PTPRA: variants seen among roughly 807,000 people sequenced by gnomAD.
PTPRA encodes protein tyrosine phosphatase receptor type A, also known as receptor-type tyrosine-protein phosphatase alpha.
A neutral mutation model predicts 104.8 loss-of-function variants in PTPRA; 25 were observed. The observed-to-expected ratio is 0.24, with a 90% CI of 0.17 to 0.33. The LOEUF (loss-of-function observed/expected upper bound fraction) is 0.33, where lower values mean the gene tolerates loss of function less well. PTPRA is among the 10% of genes least tolerant of loss of function. The pLI, the probability that PTPRA is intolerant of heterozygous loss-of-function variation, is 1.00. For synonymous variants in PTPRA, 323 were observed against 368.9 expected (o/e 0.88, Z 1.43); for missense variants, 765 against 1,015.3 (o/e 0.75, Z 3.35).
At chr20:2,912,982 A>G (rs1303824232) in intron 1 of PTPRA, among the ~76,000 whole-genome samples, 2 of 152,214 alleles carry the variant, frequency 1.3e-5, no homozygotes, top group Non-Finnish European at 2.9e-5. Flanking sequence ...TGAAATAAAT[A>G]CATGTACAGA....
chr20:2,899,441 T>G (rs1394952794), intron 1 of PTPRA, among the ~76,000 whole-genome samples: 3 of 151,420 alleles, frequency 2.0e-5, no homozygotes, highest in Non-Finnish European at 4.4e-5. Context: ...GAGGAAAGGA[T>G]GGGTGAGTTT....
At chr20:2,926,286 C>T (rs1369036645) in intron 2 of PTPRA, among the ~76,000 whole-genome samples, 1 of 152,160 alleles carries the variant, frequency 6.6e-6, no homozygotes, top group African/African-American at 2.4e-5. Flanking sequence ...TTTATTGTCT[C>T]AGAGTTTTGG....
intron 13 of PTPRA, among the ~76,000 whole-genome samples, chr20:3,019,999 G>T (rs1237993395): frequency 6.6e-6 from 1 of 152,166 alleles, no homozygotes; most frequent in Non-Finnish European, 1.5e-5. Context: ...AGGCAGGGAG[G>T]TTGCAGTGAG....
chr20:2,916,206 A>G (rs983224869), intron 1 of PTPRA, among the ~76,000 whole-genome samples: 10 of 151,600 alleles, frequency 6.6e-5, no homozygotes, highest in African/African-American at 2.4e-4. Context: ...TGCCTGGCTA[A>G]TTTTTGTATT....
chr20:2,942,469 A>G (rs2147675093), intron 2 of PTPRA, among the ~76,000 whole-genome samples: 1 of 152,180 alleles, frequency 6.6e-6, no homozygotes, highest in Non-Finnish European at 1.5e-5. Flanking sequence ...TAAACAGCAT[A>G]TAATTGAGGG....
At chr20:2,957,834 G>A (rs981072427) in intron 3 of PTPRA, among the ~76,000 whole-genome samples, 2 of 152,198 alleles carry the variant, frequency 1.3e-5, no homozygotes, top group Non-Finnish European at 2.9e-5. Context: ...TGAAGGCACC[G>A]CTATGGAGAA....
At chr20:2,993,254 A>C (rs2148193290) in intron 9 of PTPRA, among the ~76,000 whole-genome samples, 1 of 152,316 alleles carries the variant, frequency 6.6e-6, no homozygotes, top group South Asian at 2.1e-4. Flanking sequence ...GGCAAGGGGC[A>C]ACAAGTTGTC....
chr20:3,022,645 A>G lies in PTPRA; in HGVS notation c.1329-44A>G. 4.3e-6 allele frequency: 7 copies of G among 1,611,188 alleles called. No homozygotes were observed. Among genetic ancestry groups the G allele is most frequent in the East Asian group, 2.2e-5 (1 of 44,840 alleles). On this transcript the variant is annotated intron_variant, in intron 15 of 23. Coordinates refer to ENST00000399903, the MANE Select transcript of PTPRA (RefSeq NM_001385305.1). The surrounding 1 kb of genome is among the most constrained non-coding windows in gnomAD (Gnocchi z 4.6). ...TTGCCCCTCCCTATCTGCTCCCACA[A>G]GGCAGGCTGGCCATCCCTATAACCC...
chr20:2,976,747 T>C (rs902896498), intron 6 of PTPRA, among the ~76,000 whole-genome samples: 13 of 152,232 alleles, frequency 8.5e-5, no homozygotes, highest in African/African-American at 2.9e-4. Flanking sequence ...CCAAATGCTT[T>C]TTGAGAAATA....
At chr20:2,925,238 A>G (rs1198864001) in intron 2 of PTPRA, among the ~76,000 whole-genome samples, 1 of 152,044 alleles carries the variant, frequency 6.6e-6, no homozygotes, top group Non-Finnish European at 1.5e-5. Context: ...TTCTGTCTCT[A>G]TGAATTTGAC....
At chr20:2,946,077 A>G (rs1333830243) in intron 2 of PTPRA, among the ~76,000 whole-genome samples, 4 of 152,176 alleles carry the variant, frequency 2.6e-5, no homozygotes, top group African/African-American at 7.2e-5. Flanking sequence ...CACAGGGGAT[A>G]AGAATGGGTC....
intron 2 of PTPRA, among the ~76,000 whole-genome samples, chr20:2,928,458 T>C (rs1185092035): frequency 1.3e-5 from 2 of 152,210 alleles, no homozygotes; most frequent in African/African-American, 4.8e-5. Context: ...TTTGGTTGAC[T>C]ATAGAATTCT....
chr20:3,013,079 C>A (rs1007999602), intron 11 of PTPRA, among the ~76,000 whole-genome samples: 1 of 152,100 alleles, frequency 6.6e-6, no homozygotes, highest in African/African-American at 2.4e-5. Context: ...AGCTGTTGCC[C>A]CCTTAGTTTT....
At chr20:2,937,049 T>C (rs758103615) in intron 2 of PTPRA, among the ~76,000 whole-genome samples, 2 of 152,040 alleles carry the variant, frequency 1.3e-5, no homozygotes, top group South Asian at 2.1e-4. Context: ...TCTATTAATA[T>C]CAACTTTTTA....
At chr20:2,939,665 TAAACC>T (rs1180528269) in intron 2 of PTPRA, among the ~76,000 whole-genome samples, 1 of 152,188 alleles carries the variant, frequency 6.6e-6, no homozygotes, top group Admixed American at 6.5e-5. Context: ...TATTAGAAGT[TAAACC>T]AAACCAAACA....
chr20:3,015,007 C>T (rs938385199), intron 11 of PTPRA, among the ~76,000 whole-genome samples: 1 of 152,208 alleles, frequency 6.6e-6, no homozygotes, highest in Non-Finnish European at 1.5e-5. Flanking sequence ...TGCTCTTGTC[C>T]CCCACTGCCT....
At chr20:2,867,694 C>T in the PTPRA span, among the ~76,000 whole-genome samples, 5 of 152,216 alleles carry the variant, frequency 3.3e-5, no homozygotes, top group South Asian at 4.1e-4. Context: ...CTTTGTCGCC[C>T]CCACTTTGTC....
At chr20:2,951,532 C>T (rs1401295836) in intron 3 of PTPRA, among the ~76,000 whole-genome samples, 4 of 152,198 alleles carry the variant, frequency 2.6e-5, no homozygotes, top group African/African-American at 9.6e-5. Flanking sequence ...TCCACCTGCC[C>T]TGTTCATTTC....
intron 3 of PTPRA, among the ~76,000 whole-genome samples, chr20:2,954,024 C>T (rs1383907441): frequency 1.3e-5 from 2 of 151,628 alleles, no homozygotes; most frequent in African/African-American, 4.9e-5. Context: ...ATCCTCCTGC[C>T]TCAGCCTTCC....
Sources: gnomAD v4.1 joint callset for allele counts (sites outside exome capture counted in the v4.1 genomes callset) on GRCh38, gnomAD v4.1.1 for gene constraint, Gnocchi (gnomAD v3.1) non-coding constraint, MANE v1.5 for transcripts, NCBI Gene and HGNC (gene_info 2026-07-23, HGNC 2026-07-21) for gene names.